ATP2C2: variants seen among roughly 807,000 people sequenced by gnomAD.
The protein encoded by ATP2C2 is calcium-transporting ATPase type 2C member 2.
A neutral mutation model predicts 110.8 loss-of-function variants in ATP2C2; 171 were observed. The ratio of observed to expected loss-of-function variants is 1.54; its 90% confidence interval spans 1.36 to 1.75. The LOEUF is 1.75. Ranked by LOEUF, ATP2C2 falls within the 40% of genes most tolerant of loss-of-function variation. ATP2C2 has a pLI of 0.00. For synonymous variants in ATP2C2, 804 were observed against 508.4 expected, an observed-to-expected ratio of 1.58 and a Z score of -7.82; for missense variants, 1,963 against 1,235.0, an observed-to-expected ratio of 1.59 and a Z score of -8.84.
chr16:84,410,781 C>G lies in ATP2C2; in HGVS notation c.515+16C>G. The G allele has an allele frequency of 6.2e-7, 1 of 1,612,562 alleles. No individual in the cohort carries two copies. Among genetic ancestry groups the G allele is most frequent in the Non-Finnish European group, 8.5e-7 (1 of 1,178,690 alleles). On this transcript the variant is annotated intron_variant, in intron 6 of 26. Transcript: ENST00000262429. ...AATGTAACTGGTAAGTCAGAGCCTCCCTGGGACTTTTTGGTTCACTGGAGG... is the reference window on the plus strand; with the variant it reads ...AATGTAACTGGTAAGTCAGAGCCTCGCTGGGACTTTTTGGTTCACTGGAGG...
intron 1 of ATP2C2, among the ~76,000 whole-genome samples, chr16:84,380,610 G>A (rs1597731555): frequency 1.3e-5 from 2 of 152,208 alleles, no homozygotes; most frequent in South Asian, 2.1e-4. Flanking sequence ...AGTCTAGAGA[G>A]GCTGCAGGAT....
At chr16:84,459,412 T>A in intron 23 of ATP2C2, 26 bp downstream of exon 23, 1 of 1,610,118 alleles carries the variant, frequency 6.2e-7, no homozygotes. Flanking sequence ...CTGGGAGCCC[T>A]GTGTCTCTTT....
In ATP2C2 at chr16:84,428,726, A is replaced by G. The variant is rs530571641; in HGVS notation, c.986+2925A>G. Among the ~76,000 whole-genome samples the G allele has an allele frequency of 3.8e-4, 58 of 152,350 alleles. 3 individuals carry two copies. The South Asian group carries it at 0.011, about 30-fold the overall frequency. The stretch of plus-strand genomic sequence containing the variant: ...AAAGAAAAAAAAATCCTGTAATGAG[A>G]CACACAAGACATTCAAACCACATCA... On this transcript the variant is annotated intron_variant, in intron 11 of 26. Coordinates refer to ENST00000262429, the MANE Select transcript of ATP2C2 (RefSeq NM_014861.4).
At chr16:84,394,116 G>A (rs965700692) in intron 1 of ATP2C2, among the ~76,000 whole-genome samples, 7 of 151,972 alleles carry the variant, frequency 4.6e-5, no homozygotes, top group Admixed American at 1.3e-4. Context: ...CCTGGGAGGC[G>A]GAGGTTGCAG....
intron 24 of ATP2C2, 149 bp from the exon 25 acceptor site, chr16:84,461,565 C>G: frequency 1.3e-6 from 1 of 746,296 alleles, no homozygotes; most frequent in Non-Finnish European, 2.4e-6. Flanking sequence ...ACTGACCTCA[C>G]ACCTGGAGGA....
chr16:84,405,564 G>T (rs1335208923), intron 3 of ATP2C2, among the ~76,000 whole-genome samples: 1 of 152,188 alleles, frequency 6.6e-6, no homozygotes, highest in African/African-American at 2.4e-5. Context: ...GAAGTGCAGA[G>T]GTTGAAAGAT....
chr16:84,374,097 G>C (rs140339891), intron 1 of ATP2C2, among the ~76,000 whole-genome samples: 21 of 152,302 alleles, frequency 1.4e-4, no homozygotes, highest in African/African-American at 4.6e-4. Flanking sequence ...TCTTCATTTG[G>C]TATCTATTTG....
chr16:84,396,077 T>C (rs963189622), intron 1 of ATP2C2, among the ~76,000 whole-genome samples: 1 of 152,158 alleles, frequency 6.6e-6, no homozygotes, highest in Non-Finnish European at 1.5e-5. Flanking sequence ...ATTTGTCCTT[T>C]CGGGTCTGGC....
chr16:84,460,611 A>T (rs193011896), intron 23 of ATP2C2, 43 bp from the exon 24 acceptor site: 2 of 1,613,670 alleles, frequency 1.2e-6, no homozygotes, highest in African/African-American at 1.3e-5. Context: ...CCTTTATTTC[A>T]TTCCTGGTTC....
intron 20 of ATP2C2, 28 bp downstream of exon 20, chr16:84,453,399 G>A (rs769606451): frequency 1.2e-6 from 2 of 1,613,720 alleles, no homozygotes; most frequent in African/African-American, 1.3e-5. Flanking sequence ...GGCACAGGCT[G>A]CGCTGCTGGG....
rs1909047917 is a variant in ATP2C2, at chr16:84,439,486, G to T, written c.1171G>T (p.Val391Leu). ...GACTCTGACTGCCAATGAAATGACA[G>T]TGACCCAGCTTGTAACGTCAGATGG... ...TGTLTANEMT[V>L]TQLVTSDGLR... Residue 391 changes from valine (V) to leucine (L), a missense_variant, in exon 13 of 27, where the codon GTG becomes TTG. By Grantham distance (32) the Val-to-Leu change is conservative (BLOSUM62 1). Transcript: ENST00000262429. The T allele has an allele frequency of 2.5e-6, 4 of 1,614,072 alleles. No homozygotes were observed. The highest frequency in any genetic ancestry group is 2.7e-5 in the African/African-American group (2 of 74,906).
chr16:84,422,649 G>T lies in ATP2C2; in HGVS notation c.795G>T (p.Gly265=). Residue 265 remains glycine, a synonymous_variant, in exon 9 of 27, where the codon GGG becomes GGT. Transcript: ENST00000262429. The part of the protein sequence containing the change: ...GRGQGVVIGT[G]ESSQFGEVFK... ...CACAGGGGGTCGTGATTGGAACAGG[G>T]GAAAGCTCTCAGTTCGGAGAAGTGT... The T allele has an allele frequency of 6.2e-7, 1 of 1,613,642 alleles. No homozygotes were observed. The highest frequency in any genetic ancestry group is 8.5e-7 in the Non-Finnish European group (1 of 1,179,848).
intron 6 of ATP2C2, chr16:84,410,980 C>T (rs776679353): frequency 6.8e-6 from 4 of 591,270 alleles, no homozygotes; most frequent in East Asian, 2.9e-5. Flanking sequence ...GCTCCATCAT[C>T]AGTGTCTAAA....
At chr16:84,423,628 G>C (rs1458187496) in intron 10 of ATP2C2, among the ~76,000 whole-genome samples, 1 of 152,180 alleles carries the variant, frequency 6.6e-6, no homozygotes, top group Non-Finnish European at 1.5e-5. Flanking sequence ...CTGGGTCCTT[G>C]GAGGCCATGT....
At chr16:84,396,158 T>C (rs1358282540) in intron 1 of ATP2C2, among the ~76,000 whole-genome samples, 1 of 152,102 alleles carries the variant, frequency 6.6e-6, no homozygotes, top group South Asian at 2.1e-4. Context: ...GGCAGTCACA[T>C]TGAAGGTAAT....
At chr16:84,397,914 T>C (rs948204099) in intron 1 of ATP2C2, among the ~76,000 whole-genome samples, 4 of 151,778 alleles carry the variant, frequency 2.6e-5, no homozygotes. Context: ...ACCATTTCCA[T>C]AAAGTTCAAA....
At position 84,454,984 on chromosome 16, in the gene ATP2C2, T is replaced by A; in HGVS notation, c.2147T>A (p.Met716Lys). The change falls in exon 21 of 27, where the codon ATG becomes AAG. Residue 716 changes from methionine (M) to lysine (K), a missense_variant and splice_region_variant. Coordinates refer to ENST00000262429, the MANE Select transcript of ATP2C2 (RefSeq NM_014861.4). ...ILVDDDFSAI[M>K]NAVEEGKGIF... is the part of the protein sequence containing the mutation. ...GTGGATGATGACTTCTCAGCCATCA[T>A]GTAAGCTGCCCTTCTGGTTGTTTTT... 1 of 1,613,200 alleles carries A rather than the reference T, an allele frequency of 6.2e-7. No homozygotes were observed. Among genetic ancestry groups the A allele is most frequent in the Non-Finnish European group, 8.5e-7 (1 of 1,179,594 alleles).
intron 1 of ATP2C2, among the ~76,000 whole-genome samples, chr16:84,387,939 T>TA (rs1904413073): frequency 6.7e-6 from 1 of 150,252 alleles, no homozygotes; most frequent in Non-Finnish European, 1.5e-5. Context: ...TTTTTTTTTT[T>TA]AATAGAAGCA....
intron 14 of ATP2C2, 65 bp from the exon 15 acceptor site, chr16:84,442,445 C>T (rs1597845132): frequency 2.0e-6 from 3 of 1,507,644 alleles, no homozygotes; most frequent in Non-Finnish European, 2.8e-6. Flanking sequence ...TGGGACAGGC[C>T]CACAATGTCT....
Sources: gnomAD v4.1 joint callset for allele counts (sites outside exome capture counted in the v4.1 genomes callset) on GRCh38, gnomAD v4.1.1 for gene constraint, MANE v1.5 for transcripts, NCBI Gene and HGNC (gene_info 2026-07-23, HGNC 2026-07-21) for gene names.